The following AKAP6 variants were observed in gnomAD, a reference collection of about 807,000 sequenced individuals.
The protein encoded by AKAP6 is A-kinase anchoring protein 6.
Under a neutral mutation model 188.5 loss-of-function variants are expected in AKAP6, and 58 were observed. The observed-to-expected ratio is 0.31, with a 90% CI of 0.25 to 0.38. AKAP6 has a LOEUF of 0.38. Ranked by LOEUF, AKAP6 falls within the 10% of genes least tolerant of loss-of-function variation. The pLI is 1.00. For synonymous variants in AKAP6, 989 were observed against 998.6 expected (o/e 0.99, Z 0.18); for missense variants, 2,710 against 2,740.0 (o/e 0.99, Z 0.24).
chr14:32,614,630 A>G (rs1269580379), intron 7 of AKAP6, among the ~76,000 whole-genome samples: 2 of 152,182 alleles, frequency 1.3e-5, no homozygotes, highest in African/African-American at 4.8e-5. Flanking sequence ...GGCATTGTGG[A>G]CTGCCTAACC....
chr14:32,348,436 A>ACC (rs1566456302), intron 1 of AKAP6, among the ~76,000 whole-genome samples: 3 of 79,848 alleles, frequency 3.8e-5, no homozygotes, highest in Non-Finnish European at 8.7e-5. Flanking sequence ...TTTTTTTTTT[A>ACC]AGAGTTTTGC....
intron 1 of AKAP6, among the ~76,000 whole-genome samples, chr14:32,429,401 G>A (rs1566497458): frequency 6.6e-6 from 1 of 152,106 alleles, no homozygotes; most frequent in East Asian, 1.9e-4. Context: ...TATTCACAAA[G>A]ACTGTTACTA....
intron 7 of AKAP6, among the ~76,000 whole-genome samples, chr14:32,615,411 C>CT (rs199960304): frequency 0.3 from 43,382 of 142,284 alleles, 7,881 homozygotes; most frequent in East Asian, 0.73. Context: ...TAAGTTCCTT[C>CT]TTTTTTTTTT....
At chr14:32,574,735 G>T (rs546788333) in intron 4 of AKAP6, among the ~76,000 whole-genome samples, 1 of 152,230 alleles carries the variant, frequency 6.6e-6, no homozygotes, top group Non-Finnish European at 1.5e-5. Context: ...AAATACAATA[G>T]TAAAAACTGT....
At chr14:32,657,437 T>A (rs186356995) in intron 7 of AKAP6, among the ~76,000 whole-genome samples, 72 of 152,288 alleles carry the variant, frequency 4.7e-4, no homozygotes, top group Non-Finnish European at 9.3e-4. Context: ...CTAGCTCTTT[T>A]TCTCTCATTA....
chr14:32,656,225 G>A (rs1888448937), intron 7 of AKAP6, among the ~76,000 whole-genome samples: 1 of 151,898 alleles, frequency 6.6e-6, no homozygotes. Context: ...AAATCTTTCT[G>A]TTTTATGTGA....
chr14:32,767,568 T>A (rs935579281), intron 11 of AKAP6, among the ~76,000 whole-genome samples: 2 of 152,102 alleles, frequency 1.3e-5, no homozygotes, highest in Non-Finnish European at 2.9e-5. Flanking sequence ...GATGGATAGA[T>A]CAATACTTGA....
chr14:32,473,856 T>A (rs1382755512), intron 2 of AKAP6: 1 of 152,366 alleles, frequency 6.6e-6, no homozygotes, highest in Non-Finnish European at 1.5e-5. Context: ...AGCTGGGTCA[T>A]GGATCTGCTG....
At chr14:32,531,527 CT>C (rs1355790103) in intron 2 of AKAP6, among the ~76,000 whole-genome samples, 13 of 152,152 alleles carry the variant, frequency 8.5e-5, no homozygotes, top group Admixed American at 5.2e-4. Flanking sequence ...GCAGAGTTGA[CT>C]TTCTTTTTGG....
chr14:32,649,439 T>G (rs998443295), intron 7 of AKAP6, among the ~76,000 whole-genome samples: 4 of 152,188 alleles, frequency 2.6e-5, no homozygotes, highest in African/African-American at 9.6e-5. Context: ...GAAATGCATG[T>G]TAAAACTTAT....
In AKAP6 at chr14:32,821,577, G is replaced by A. The variant is rs780694878; in HGVS notation, c.3764G>A (p.Ser1255Asn). ...CCTTCCTTGAAGCTTGGAGAGACAA[G>A]TAATGAGGACCCTGGTTATGACGAG... is the stretch of plus-strand genomic sequence containing the variant. Reference protein sequence around the residue: ...VIPSLKLGETSNEDPGYDEEA... With the variant: ...VIPSLKLGETNNEDPGYDEEA... Residue 1255 changes from serine (S) to asparagine (N), a missense_variant, in exon 13 of 14, where the codon AGT becomes AAT. Physicochemically the swap from Ser to Asn is conservative, Grantham distance 46. Around this residue, in one of 2 missense-constraint regions of AKAP6, gnomAD observed 2,473 missense variants for 2,426.1 expected, o/e 1.02. Coordinates refer to ENST00000280979, the MANE Select transcript of AKAP6 (RefSeq NM_004274.5). 1.2e-6 allele frequency: 2 copies of A among 1,613,698 alleles called. No homozygotes were observed. The highest frequency in any genetic ancestry group is 1.7e-6 in the Non-Finnish European group (2 of 1,179,828).
At chr14:32,500,683 T>C (rs1360199217) in intron 2 of AKAP6, among the ~76,000 whole-genome samples, 1 of 152,158 alleles carries the variant, frequency 6.6e-6, no homozygotes, top group Non-Finnish European at 1.5e-5. Flanking sequence ...TTACCATATA[T>C]GGGGAAAAGT....
rs145270834 is a variant in AKAP6, at chr14:32,721,878, C to T, written c.3001-10576C>T. Among the ~76,000 whole-genome samples the T allele has an allele frequency of 3.3e-3, 502 of 152,278 alleles. 1 individual carries two copies. The highest frequency in any genetic ancestry group is 6.8e-3 in the Middle Eastern group (2 of 294). The stretch of plus-strand genomic sequence containing the variant: ...AACAGAGAGGAAATTTAGGCTCTAT[C>T]TCCCAGGCCAATCCTCATTCAATGC... On this transcript the variant is annotated intron_variant, in intron 9 of 13. Coordinates refer to ENST00000280979, the MANE Select transcript of AKAP6 (RefSeq NM_004274.5).
chr14:32,367,791 A>G (rs937894436), intron 1 of AKAP6, among the ~76,000 whole-genome samples: 4 of 152,086 alleles, frequency 2.6e-5, no homozygotes, highest in Admixed American at 1.3e-4. Flanking sequence ...TTTTCTTTCC[A>G]ATCTGACTTT....
intron 12 of AKAP6, among the ~76,000 whole-genome samples, chr14:32,792,425 G>A (rs186176335): frequency 2.3e-3 from 344 of 152,034 alleles, no homozygotes; most frequent in African/African-American, 7.9e-3. Flanking sequence ...TCTTTGTCTA[G>A]TATTGGTGTA....
At chr14:32,631,736 G>A (rs1052162480) in intron 7 of AKAP6, among the ~76,000 whole-genome samples, 2 of 152,044 alleles carry the variant, frequency 1.3e-5, no homozygotes, top group African/African-American at 4.8e-5. Flanking sequence ...CCACGTAAAT[G>A]AGATGTTTAA....
chr14:32,631,665 G>A (rs1055056037), intron 7 of AKAP6, among the ~76,000 whole-genome samples: 3 of 152,068 alleles, frequency 2.0e-5, no homozygotes, highest in African/African-American at 7.2e-5. Flanking sequence ...GTAAGATGTA[G>A]CTCATGATGC....
In AKAP6 at chr14:32,341,342, G is replaced by A. The variant is rs557942081; in HGVS notation, c.-35+11934G>A. Among the ~76,000 whole-genome samples the A allele has an allele frequency of 9.8e-5, 15 of 152,306 alleles. No homozygotes were observed. The South Asian group carries it at 1.9e-3, about 19-fold the overall frequency. On this transcript the variant is annotated intron_variant, in intron 1 of 13. Transcript: ENST00000280979. The stretch of plus-strand genomic sequence containing the variant: ...CACATAAAATATAAGTGAAAGTGCT[G>A]TTGTTAGGTCAAACGGTATGGAATT...
At chr14:32,412,615 A>T (rs1889524381) in intron 1 of AKAP6, among the ~76,000 whole-genome samples, 1 of 152,208 alleles carries the variant, frequency 6.6e-6, no homozygotes, top group Non-Finnish European at 1.5e-5. Context: ...AGCCAAAAGA[A>T]ATTTACTGTT....
Sources: allele counts gnomAD v4.1 joint callset (sites outside exome capture counted in the v4.1 genomes callset), GRCh38; gene constraint gnomAD v4.1.1; regional missense constraint gnomAD v4.1.1; transcripts MANE v1.5; gene names NCBI Gene and HGNC (gene_info 2026-07-23, HGNC 2026-07-21).